FBXL17: variants seen among roughly 807,000 people sequenced by gnomAD.
FBXL17 encodes F-box and leucine rich repeat protein 17, also known as F-box/LRR-repeat protein 17.
FBXL17 carries 22 observed loss-of-function variants against 66.2 expected under a neutral mutation model. That is an observed-to-expected ratio of 0.33 (90% confidence interval 0.24 to 0.47). FBXL17 has a LOEUF of 0.47. Among genes scored for constraint, FBXL17 ranks in the 20% least tolerant of loss-of-function variants. The probability of loss-of-function intolerance (pLI) is 1.00; values close to 1 mark genes in which losing one functional copy is unlikely to be tolerated. For missense variants in FBXL17, 878 were observed against 948.2 expected (o/e 0.93, Z 0.97); for synonymous variants, 474 against 400.5 (o/e 1.18, Z -2.19).
At chr5:108,119,987 A>G (rs1003164444) in intron 6 of FBXL17, among the ~76,000 whole-genome samples, 1 of 152,238 alleles carries the variant, frequency 6.6e-6, no homozygotes, top group Non-Finnish European at 1.5e-5. Context: ...TGCATTCATT[A>G]TTACTGCAAA....
At chr5:108,234,229 A>G (rs1436806821) in intron 4 of FBXL17, among the ~76,000 whole-genome samples, 1 of 152,132 alleles carries the variant, frequency 6.6e-6, no homozygotes, top group African/African-American at 2.4e-5. Context: ...GACGGCTCAC[A>G]CTCAGCCGAG....
At chr5:108,229,362 A>C (rs188432812) in intron 4 of FBXL17, among the ~76,000 whole-genome samples, 95 of 152,318 alleles carry the variant, frequency 6.2e-4, no homozygotes, top group African/African-American at 2.2e-3. Context: ...CTGGTATAAA[A>C]ATACGCATAT....
At chr5:107,972,628 A>G (rs1036881243) in intron 7 of FBXL17, among the ~76,000 whole-genome samples, 1 of 152,108 alleles carries the variant, frequency 6.6e-6, no homozygotes, top group African/African-American at 2.4e-5. Flanking sequence ...CTATTTTTAT[A>G]TGTTATTCTT....
chr5:107,941,104 G>A (rs1335878064), intron 7 of FBXL17, among the ~76,000 whole-genome samples: 4 of 114,960 alleles, frequency 3.5e-5, no homozygotes, highest in Non-Finnish European at 7.1e-5. Flanking sequence ...ACAAAATTAT[G>A]GTTAAATCAA....
chr5:108,066,092 G>A (rs748742769), intron 6 of FBXL17, among the ~76,000 whole-genome samples: 6 of 152,004 alleles, frequency 3.9e-5, no homozygotes, highest in Non-Finnish European at 8.8e-5. Context: ...AAGAAGGAGG[G>A]AAGAGTAAGT....
chr5:107,950,926 A>G (rs1751479874), intron 7 of FBXL17, among the ~76,000 whole-genome samples: 1 of 152,184 alleles, frequency 6.6e-6, no homozygotes, highest in Non-Finnish European at 1.5e-5. Context: ...AGGCAAAACT[A>G]ATTTTCAAAT....
chr5:108,253,730 T>A (rs1265790602), intron 4 of FBXL17, among the ~76,000 whole-genome samples: 3 of 152,124 alleles, frequency 2.0e-5, no homozygotes, highest in African/African-American at 7.2e-5. Context: ...CAGTAGCCTA[T>A]ACCTATAATC....
chr5:108,093,243 GTTA>G (rs1749251736), intron 6 of FBXL17, among the ~76,000 whole-genome samples: 1 of 149,862 alleles, frequency 6.7e-6, no homozygotes, highest in Non-Finnish European at 1.5e-5. Context: ...ATAACCTACT[GTTA>G]TTATAATGTT....
intron 6 of FBXL17, among the ~76,000 whole-genome samples, chr5:108,046,291 A>G (rs1271477497): frequency 2.6e-5 from 4 of 152,140 alleles, no homozygotes; most frequent in Non-Finnish European, 5.9e-5. Flanking sequence ...TTTGCATGAT[A>G]TATCTTTTCC....
intron 7 of FBXL17, among the ~76,000 whole-genome samples, chr5:107,988,059 C>A (rs961309662): frequency 4.6e-5 from 7 of 151,786 alleles, no homozygotes; most frequent in Non-Finnish European, 7.4e-5. Context: ...TTTTAAATCA[C>A]CAATTAAAAA....
At chr5:108,282,247 T>C (rs1351142857) in intron 4 of FBXL17, among the ~76,000 whole-genome samples, 1 of 151,834 alleles carries the variant, frequency 6.6e-6, no homozygotes, top group Admixed American at 6.6e-5. Flanking sequence ...ATATCTTTGT[T>C]TAACACAGAC....
intron 4 of FBXL17, among the ~76,000 whole-genome samples, chr5:108,251,206 G>A (rs1756335541): frequency 6.6e-6 from 1 of 151,996 alleles, no homozygotes. Flanking sequence ...ACCAGCCATT[G>A]AAAAGAGTGT....
chr5:108,209,799 T>A (rs1580618960), intron 5 of FBXL17, among the ~76,000 whole-genome samples: 1 of 152,214 alleles, frequency 6.6e-6, no homozygotes, highest in South Asian at 2.1e-4. Context: ...TACCAGGTTT[T>A]GGTAACAGGA....
rs531379155 is a variant in FBXL17, at chr5:107,981,039, C to T, written c.1822+39886G>A. Among the ~76,000 whole-genome samples the T allele has an allele frequency of 6.6e-5, 10 of 152,160 alleles. No homozygotes were observed. In the East Asian group the frequency reaches 9.7e-4, roughly 15 times the overall value. ...GGAGGTATACAAAAGTGAGTAAGTG[C>T]TTCTTAGTCATTAGGGAGCTTATAA... On this transcript the variant is annotated intron_variant, in intron 7 of 8. Coordinates refer to ENST00000542267, the MANE Select transcript of FBXL17 (RefSeq NM_001163315.3).
intron 4 of FBXL17, among the ~76,000 whole-genome samples, chr5:108,244,091 C>T (rs551487611): frequency 6.6e-6 from 1 of 152,214 alleles, no homozygotes; most frequent in East Asian, 1.9e-4. Flanking sequence ...TATTCTTCAG[C>T]CTCTTCCTGA....
At chr5:107,940,843 C>G (rs1751068948) in intron 7 of FBXL17, among the ~76,000 whole-genome samples, 1 of 152,122 alleles carries the variant, frequency 6.6e-6, no homozygotes, top group South Asian at 2.1e-4. Context: ...GAAAGAAATA[C>G]TGGGGGCCTG....
chr5:108,177,734 T>C (rs1752843882), intron 6 of FBXL17, among the ~76,000 whole-genome samples: 1 of 151,972 alleles, frequency 6.6e-6, no homozygotes, highest in Non-Finnish European at 1.5e-5. Context: ...TTGTGAACTA[T>C]TCAACGTGTC....
At chr5:107,866,069 G>A (rs1748262191) in intron 8 of FBXL17, among the ~76,000 whole-genome samples, 1 of 139,888 alleles carries the variant, frequency 7.1e-6, no homozygotes, top group Non-Finnish European at 1.5e-5. Flanking sequence ...AATATAAAAA[G>A]GGAACATTAA....
chr5:108,025,765 C>T (rs1032597094), intron 6 of FBXL17, among the ~76,000 whole-genome samples: 6 of 150,802 alleles, frequency 4.0e-5, no homozygotes, highest in Admixed American at 1.3e-4. Context: ...AGGCCCCACA[C>T]GAAAGGAGTA....
Sources: gnomAD v4.1 joint callset for allele counts (sites outside exome capture counted in the v4.1 genomes callset) on GRCh38, gnomAD v4.1.1 for gene constraint, MANE v1.5 for transcripts, NCBI Gene and HGNC (gene_info 2026-07-23, HGNC 2026-07-21) for gene names.